PRDM1: variants seen among roughly 807,000 people sequenced by gnomAD.
PRDM1 encodes the protein PR domain zinc finger protein 1.
In PRDM1, 13 loss-of-function variants were observed where a neutral mutation model predicts 62.8. That is an observed-to-expected ratio of 0.21 (90% CI 0.13 to 0.33). The LOEUF (loss-of-function observed/expected upper bound fraction) is 0.33, where lower values mean the gene tolerates loss of function less well. Ranked by LOEUF, PRDM1 falls within the 10% of genes least tolerant of loss-of-function variation. The pLI is 1.00. For missense variants in PRDM1, 895 were observed against 1,058.8 expected (o/e 0.85, Z 2.15); for synonymous variants, 396 against 417.6 (o/e 0.95, Z 0.63).
intron 1 of PRDM1, among the ~76,000 whole-genome samples, chr6:106,058,447 G>A (rs1037247306): frequency 6.6e-6 from 1 of 152,098 alleles, no homozygotes; most frequent in East Asian, 1.9e-4. Context: ...TCATATTGAG[G>A]GCTTAGGAGT....
At chr6:106,031,146 C>T (rs1309668412) in intron 1 of PRDM1, among the ~76,000 whole-genome samples, 2 of 151,998 alleles carry the variant, frequency 1.3e-5, no homozygotes, top group Non-Finnish European at 2.9e-5. Context: ...GGGAAACTTA[C>T]TTATTCTTCA....
Position 106,099,170 on chromosome 6 carries a change from T to G in PRDM1, c.412-130T>G, listed in dbSNP as rs1774195163. On this transcript the variant is annotated intron_variant, in intron 3 of 6. Coordinates refer to ENST00000369096, the MANE Select transcript of PRDM1 (RefSeq NM_001198.4). ...TCAAGACTATTCTGGCTAAACTGAT[T>G]GGATTCTTTTTCTAACTAGGCAGTA... 6 of 1,603,550 alleles carry G rather than the reference T, an allele frequency of 3.7e-6. No homozygotes were observed. In the South Asian group the frequency reaches 5.5e-5, roughly 15 times the overall value.
intron 2 of PRDM1, among the ~76,000 whole-genome samples, chr6:106,090,164 G>A (rs915383098): frequency 5.3e-5 from 8 of 152,142 alleles, no homozygotes; most frequent in East Asian, 1.9e-4. Context: ...AGTGCTTCTC[G>A]ATTATGCTAC....
chr6:106,042,562 A>AC (rs1773019497), intron 1 of PRDM1, among the ~76,000 whole-genome samples: 2 of 151,982 alleles, frequency 1.3e-5, no homozygotes, highest in African/African-American at 4.8e-5. Context: ...AACAACAACA[A>AC]AACAAAACCA....
chr6:106,109,444 G>T lies in PRDM1; in HGVS notation c.*1958G>T. 4.3e-6 allele frequency: 1 copy of T among 233,386 alleles called. No homozygotes were observed. 14.5% of individuals were successfully genotyped at this position (233,386 alleles called of 1,614,324 possible). A position where few individuals can be genotyped will look rare whatever the true frequency, so the allele number is the denominator to read the frequency against. ...ATTTTATAATTATATTTGACATTTT[G>T]TTCACATCAACTAATGTTCACCTGT... On this transcript the variant is annotated 3_prime_UTR_variant, in exon 7 of 7. Coordinates refer to ENST00000369096, the MANE Select transcript of PRDM1 (RefSeq NM_001198.4).
At chr6:106,029,681 C>A (rs1451163368) in intron 1 of PRDM1, among the ~76,000 whole-genome samples, 2 of 152,084 alleles carry the variant, frequency 1.3e-5, no homozygotes, top group Admixed American at 6.6e-5. Flanking sequence ...TCATGGCTCA[C>A]TGCAGCCTCA....
At chr6:106,034,876 C>T (rs1344067708) in intron 1 of PRDM1, among the ~76,000 whole-genome samples, 2 of 152,094 alleles carry the variant, frequency 1.3e-5, no homozygotes, top group East Asian at 3.8e-4. Flanking sequence ...AGGTGATCTA[C>T]CTGCCTTAGC....
chr6:106,105,485 G>T lies in PRDM1; in HGVS notation c.1325G>T (p.Arg442Met). The T allele has an allele frequency of 6.2e-7, 1 of 1,614,062 alleles. No individual in the cohort carries two copies. Among genetic ancestry groups the T allele is most frequent in the South Asian group, 1.1e-5 (1 of 91,084 alleles). ...ATCAACAACTTTGGCCTCTTCCCGAGGCTGTGCCCTGTCTACAGCAATCTC... is the reference window on the plus strand; with the variant it reads ...ATCAACAACTTTGGCCTCTTCCCGATGCTGTGCCCTGTCTACAGCAATCTC... ...NGINNFGLFP[R>M]LCPVYSNLLG... The change falls in exon 5 of 7, where the codon AGG (arginine) becomes ATG (methionine). Residue 442 changes from arginine to methionine, a missense_variant. By Grantham distance (91) the Arg-to-Met change is moderately conservative. This residue lies in a region of PRDM1 where 444 missense variants were observed against 422.7 expected (regional missense o/e 1.05). Transcript: ENST00000369096.
At chr6:106,086,084 G>T (rs530559229), upstream of PRDM1, among the ~76,000 whole-genome samples, 119 of 152,300 alleles carry the variant, frequency 7.8e-4, no homozygotes, top group African/African-American at 2.6e-3. Context: ...GAAGGAGGGC[G>T]ATCTGGAGTG....
rs1020395697 is a variant in PRDM1, at chr6:106,105,703, G to A, written c.1543G>A (p.Gly515Arg). The A allele has an allele frequency of 6.2e-7, 1 of 1,613,804 alleles. No homozygotes were observed. Among genetic ancestry groups the A allele is most frequent in the Non-Finnish European group, 8.5e-7 (1 of 1,179,868 alleles). The change falls in exon 5 of 7, where the codon GGG becomes AGG. Residue 515 changes from glycine to arginine, a missense_variant. Physicochemically the swap from Gly to Arg is moderately radical, Grantham distance 125. Around this residue, in one of 4 missense-constraint regions of PRDM1, gnomAD observed 444 missense variants for 422.7 expected, o/e 1.05. Coordinates refer to ENST00000369096, the MANE Select transcript of PRDM1 (RefSeq NM_001198.4). ...MKDKACSPTS[G>R]SPTAGTAATA... is the part of the protein sequence containing the mutation. ...GGACAAGGCCTGTAGCCCCACAAGC[G>A]GGTCTCCCACGGCGGGAACAGCCGC...
intron 1 of PRDM1, among the ~76,000 whole-genome samples, chr6:106,074,851 G>C (rs1324207216): frequency 6.6e-6 from 1 of 152,188 alleles, no homozygotes; most frequent in Non-Finnish European, 1.5e-5. Flanking sequence ...GCACGCGCCT[G>C]TGTTCCCAGC....
At chr6:106,056,341 G>A (rs1309673294) in intron 1 of PRDM1, among the ~76,000 whole-genome samples, 3 of 152,120 alleles carry the variant, frequency 2.0e-5, no homozygotes, top group Admixed American at 6.5e-5. Flanking sequence ...ATCCCTCACC[G>A]CCTTTGCAAG....
At chr6:106,009,023 G>A in intron 1 of PRDM1, among the ~76,000 whole-genome samples, 1 of 152,142 alleles carries the variant, frequency 6.6e-6, no homozygotes. Flanking sequence ...ACTGAACACA[G>A]GCCCCTCACG....
intron 1 of PRDM1, among the ~76,000 whole-genome samples, chr6:106,054,187 T>G (rs1773227896): frequency 6.6e-6 from 1 of 152,136 alleles, no homozygotes; most frequent in Non-Finnish European, 1.5e-5. Flanking sequence ...CAAGATCATC[T>G]CAACATTTTT....
upstream of PRDM1, chr6:106,086,288 G>A (rs2114613819): frequency 1.2e-5 from 5 of 419,076 alleles, no homozygotes; most frequent in Non-Finnish European, 1.7e-5. Flanking sequence ...ACTTCGCGCA[G>A]CCGAGTGGCT....
intron 1 of PRDM1, among the ~76,000 whole-genome samples, chr6:106,018,663 A>G (rs970126914): frequency 1.3e-5 from 2 of 151,038 alleles, no homozygotes. Flanking sequence ...CTTTTTTTTT[A>G]AATATGATTA....
chr6:106,079,695 G>A (rs1437993628), intron 1 of PRDM1, among the ~76,000 whole-genome samples: 1 of 152,178 alleles, frequency 6.6e-6, no homozygotes, highest in Non-Finnish European at 1.5e-5. Flanking sequence ...CTACTCTGGA[G>A]GCTGAGGCAC....
chr6:106,038,732 A>G (rs1772953795), intron 1 of PRDM1, among the ~76,000 whole-genome samples: 1 of 152,226 alleles, frequency 6.6e-6, no homozygotes. Flanking sequence ...GTACATACAC[A>G]GCTGCCTGCC....
chr6:106,023,495 A>G (rs529704882), intron 1 of PRDM1, among the ~76,000 whole-genome samples: 2 of 151,916 alleles, frequency 1.3e-5, no homozygotes, highest in African/African-American at 4.8e-5. Flanking sequence ...AAAATAAATA[A>G]TGATTTGAAG....
Sources: allele counts gnomAD v4.1 joint callset (sites outside exome capture counted in the v4.1 genomes callset), GRCh38; gene constraint gnomAD v4.1.1; regional missense constraint gnomAD v4.1.1; transcripts MANE v1.5; gene names NCBI Gene and HGNC (gene_info 2026-07-23, HGNC 2026-07-21).